Variants in TSPAN13 observed in about 807,000 individuals in gnomAD.
TSPAN13 encodes tetraspanin 13, also known as tetraspanin-13.
A neutral mutation model predicts 26.9 loss-of-function variants in TSPAN13; 18 were observed. The observed-to-expected ratio is 0.67, with a 90% CI of 0.46 to 0.99. The LOEUF is 0.99. Ranked by LOEUF, TSPAN13 falls within the 50% of genes least tolerant of loss-of-function variation. The pLI is 0.00. For synonymous variants in TSPAN13, 116 were observed against 98.4 expected (o/e 1.18, Z -1.06); for missense variants, 201 against 249.6 (o/e 0.81, Z 1.31).
intron 1 of TSPAN13, among the ~76,000 whole-genome samples, chr7:16,761,181 G>A (rs1172385876): frequency 6.6e-6 from 1 of 152,104 alleles, no homozygotes; most frequent in Non-Finnish European, 1.5e-5. Flanking sequence ...TGCCTAGTAA[G>A]TATAAAAGCA....
In TSPAN13 at chr7:16,783,531, G is replaced by C; in HGVS notation, c.*40G>C. On this transcript the variant is annotated 3_prime_UTR_variant, in exon 6 of 6. Transcript: ENST00000262067. ...AGATTTCCTTTCGTATTATGATCTT[G>C]TTCACTTTCTGTAATTTTCTGTTAA... 6.3e-7 allele frequency: 1 copy of C among 1,585,420 alleles called. No homozygotes were observed. Among genetic ancestry groups the C allele is most frequent in the Non-Finnish European group, 8.7e-7 (1 of 1,154,882 alleles).
At chr7:16,774,863 A>T (rs1324582490) in intron 1 of TSPAN13, among the ~76,000 whole-genome samples, 1 of 152,210 alleles carries the variant, frequency 6.6e-6, no homozygotes, top group Non-Finnish European at 1.5e-5. Flanking sequence ...ATACAAAAAA[A>T]TATTTTCTAT....
chr7:16,766,361 C>T (rs1784602958), intron 1 of TSPAN13, among the ~76,000 whole-genome samples: 1 of 152,202 alleles, frequency 6.6e-6, no homozygotes, highest in Non-Finnish European at 1.5e-5. Context: ...TGTTTTCTTT[C>T]ACCTTTGGGA....
intron 1 of TSPAN13, among the ~76,000 whole-genome samples, chr7:16,755,951 T>TGAA (rs1784477374): frequency 6.6e-6 from 1 of 152,210 alleles, no homozygotes; most frequent in Admixed American, 6.5e-5. Flanking sequence ...TAAAACTTAA[T>TGAA]GAATTGGAAA....
chr7:16,772,349 CAA>C (rs1784689662), intron 1 of TSPAN13, among the ~76,000 whole-genome samples: 1 of 152,156 alleles, frequency 6.6e-6, no homozygotes, highest in Non-Finnish European at 1.5e-5. Flanking sequence ...ACTGCTGTAG[CAA>C]ATTACCACGA....
intron 1 of TSPAN13, among the ~76,000 whole-genome samples, chr7:16,767,108 G>A (rs543259552): frequency 2.0e-4 from 31 of 152,228 alleles, no homozygotes; most frequent in African/African-American, 7.0e-4. Flanking sequence ...ACTGAACCCA[G>A]CTAATCTCTC....
At chr7:16,754,438 A>C (rs1281128756) in intron 1 of TSPAN13, among the ~76,000 whole-genome samples, 1 of 152,176 alleles carries the variant, frequency 6.6e-6, no homozygotes, top group Non-Finnish European at 1.5e-5. Flanking sequence ...GCTTGCGGAC[A>C]GTTTTGCGGA....
At chr7:16,779,865 G>A (rs981119269) in intron 5 of TSPAN13, among the ~76,000 whole-genome samples, 11 of 150,826 alleles carry the variant, frequency 7.3e-5, no homozygotes, top group Admixed American at 2.0e-4. Context: ...TCCGCCTCCC[G>A]GGTTCACGCT....
At position 16,783,635 on chromosome 7, in the gene TSPAN13, T is replaced by C. The variant is rs1378820789; in HGVS notation, c.*144T>C. ...ATAGTGGAATTATATATTTTTACTC[T>C]ATGTTTCTCTACATGTTTTTTTCTT... is the stretch of plus-strand genomic sequence containing the variant. On this transcript the variant is annotated 3_prime_UTR_variant, in exon 6 of 6. Coordinates refer to ENST00000262067, the MANE Select transcript of TSPAN13 (RefSeq NM_014399.4). 4 of 742,424 alleles carry C rather than the reference T, an allele frequency of 5.4e-6. No individual in the cohort carries two copies. The highest frequency in any genetic ancestry group is 2.5e-5 in the East Asian group (1 of 39,556). The allele number at this position is 742,424 out of a possible 1,614,324, so 46.0% of individuals were successfully genotyped here.
chr7:16,775,970 G>A (rs556499190), intron 1 of TSPAN13: 10 of 399,528 alleles, frequency 2.5e-5, no homozygotes, highest in Admixed American at 1.2e-4. Flanking sequence ...AGAATTTTGC[G>A]TATTATCAGT....
chr7:16,755,802 TTTAG>T lies in TSPAN13; in HGVS notation c.63+1775_63+1778del, dbSNP rs145889868. On this transcript the variant is annotated intron_variant, in intron 1 of 5. Transcript: ENST00000262067. ...AGTTCCTTGCTTTCTAGACATCATT[TTTAG>T]TTGTATTTAGAGTATATCAGGAAAG... Among the ~76,000 whole-genome samples the T allele has an allele frequency of 5.8e-3, 881 of 152,252 alleles. 2 individuals are homozygous for T. Among genetic ancestry groups the T allele is most frequent in the Non-Finnish European group, 8.3e-3 (563 of 68,016 alleles).
chr7:16,777,853 A>C lies in TSPAN13; in HGVS notation c.368A>C (p.Gln123Pro). Residue 123 changes from glutamine to proline, a missense_variant, in exon 4 of 6, where the codon CAG becomes CCG. Transcript: ENST00000262067. ...NNTASARNDI[Q>P]RNLNCCGFRS... ...ACGGCAAGTGCTCGAAATGACATCC[A>C]GAGAAATCTAAACTGCTGTGGGTTC... 6.2e-7 allele frequency: 1 copy of C among 1,613,990 alleles called. No homozygotes were observed. The highest frequency in any genetic ancestry group is 1.1e-5 in the South Asian group (1 of 91,066).
rs376819410 is a variant in TSPAN13 at position 16,776,339 on chromosome 7, G to C, written c.192G>C (p.Leu64=). The C allele has an allele frequency of 6.2e-7, 1 of 1,613,944 alleles. No individual in the cohort carries two copies. Among genetic ancestry groups the C allele is most frequent in the South Asian group, 1.1e-5 (1 of 91,036 alleles). Reference sequence around the variant, plus strand: ...TGTTCCTGATTGCTTTAGTGGGTCTGATTGGAGCTGTAAAACATCATCAGG... The same window carrying C: ...TGTTCCTGATTGCTTTAGTGGGTCTCATTGGAGCTGTAAAACATCATCAGG... The part of the protein sequence containing the change: ...IFLFLIALVG[L]IGAVKHHQVL... The change falls in exon 2 of 6, where the codon CTG becomes CTC. Residue 64 remains leucine (L), a synonymous_variant. Transcript: ENST00000262067.
chr7:16,753,764 C>G lies in TSPAN13; in HGVS notation c.-204C>G. 4.4e-6 allele frequency: 2 copies of G among 454,714 alleles called. No individual in the cohort carries two copies. Among genetic ancestry groups the G allele is most frequent in the South Asian group, 3.8e-5 (1 of 26,186 alleles). The allele number at this position is 454,714 out of a possible 1,614,324, so 28.2% of individuals were successfully genotyped here. On this transcript the variant is annotated 5_prime_UTR_variant, in exon 1 of 6. Transcript: ENST00000262067. ...GGCTCGGGCTCCTGCTCCGGCTCAG[C>G]TGCGGCGGCCGCAGGTTCCAAAGCG... is the stretch of plus-strand genomic sequence containing the variant.
At chr7:16,754,060 T>A (rs775794821) in intron 1 of TSPAN13, 30 bp downstream of exon 1, 2 of 1,608,660 alleles carry the variant, frequency 1.2e-6, no homozygotes, top group African/African-American at 1.3e-5. Flanking sequence ...TCCTGCTCGC[T>A]TGGGGGCTTT....
intron 1 of TSPAN13, among the ~76,000 whole-genome samples, chr7:16,763,810 T>A (rs970873405): frequency 7.2e-5 from 11 of 152,238 alleles, no homozygotes; most frequent in Middle Eastern, 3.4e-3. Context: ...GTACTGGAAG[T>A]ATATGTGTTA....
chr7:16,765,004 C>T (rs191127312), intron 1 of TSPAN13, among the ~76,000 whole-genome samples: 1 of 152,010 alleles, frequency 6.6e-6, no homozygotes, highest in Non-Finnish European at 1.5e-5. Context: ...TCAAGTGATC[C>T]TGCCTCGGCC....
At chr7:16,776,997 C>A in intron 2 of TSPAN13, 45 bp from the exon 3 acceptor site, 1 of 1,367,744 alleles carries the variant, frequency 7.3e-7, no homozygotes, top group South Asian at 1.2e-5. Context: ...CTGTTTTATG[C>A]CATTCTAAGA....
At chr7:16,754,074 C>G in intron 1 of TSPAN13, 44 bp downstream of exon 1, 1 of 1,595,282 alleles carries the variant, frequency 6.3e-7, no homozygotes, top group Non-Finnish European at 8.6e-7. Flanking sequence ...GGGCTTTGCA[C>G]CTGCTTGGGA....
Sources: gnomAD v4.1 joint callset for allele counts (sites outside exome capture counted in the v4.1 genomes callset) on GRCh38, gnomAD v4.1.1 for gene constraint, MANE v1.5 for transcripts, NCBI Gene and HGNC (gene_info 2026-07-23, HGNC 2026-07-21) for gene names.